The following ARL6IP1 variants were observed in gnomAD, a reference collection of about 807,000 sequenced individuals.
ARL6IP1 encodes the protein ADP-ribosylation factor-like protein 6-interacting protein 1.
Under a neutral mutation model 30.1 loss-of-function variants are expected in ARL6IP1, and 16 were observed. The ratio of observed to expected loss-of-function variants is 0.53; its 90% confidence interval spans 0.36 to 0.81. The LOEUF is 0.81. ARL6IP1 is among the 30% of genes least tolerant of loss of function. The probability of loss-of-function intolerance (pLI) is 0.01; values close to 1 mark genes in which losing one functional copy is unlikely to be tolerated. For synonymous variants in ARL6IP1, 72 were observed against 84.8 expected, an observed-to-expected ratio of 0.85 and a Z score of 0.83; for missense variants, 173 against 242.7, an observed-to-expected ratio of 0.71 and a Z score of 1.91.
At chr16:18,800,798 A>C (rs1448324643) in intron 1 of ARL6IP1, among the ~76,000 whole-genome samples, 3 of 152,156 alleles carry the variant, frequency 2.0e-5, no homozygotes, top group Admixed American at 1.3e-4. Context: ...GTTCCTTCGG[A>C]TCCCTGCTTA....
At chr16:18,795,032 T>TTC in intron 4 of ARL6IP1, 1 of 202,188 alleles carries the variant, frequency 4.9e-6, no homozygotes. Context: ...TTTTTTTTTT[T>TTC]TTGAGACAGA....
downstream of ARL6IP1, chr16:18,791,667 T>A (rs562451925): frequency 1.2e-4 from 18 of 152,302 alleles, no homozygotes; most frequent in East Asian, 3.5e-3. Context: ...AAGTGAGACA[T>A]GAAGATTCCA....
At chr16:18,797,726 TA>T in intron 3 of ARL6IP1, 198 bp downstream of exon 3, 1 of 542,058 alleles carries the variant, frequency 1.8e-6, no homozygotes, top group Non-Finnish European at 3.1e-6. Flanking sequence ...GCATTTACCA[TA>T]AAAGAACTAT....
chr16:18,797,750 A>G lies in ARL6IP1; in HGVS notation c.290+175T>C, dbSNP rs978336829. On this transcript the variant is annotated intron_variant, in intron 3 of 5. Coordinates refer to ENST00000304414, the MANE Select transcript of ARL6IP1 (RefSeq NM_015161.3). ...ATAAAAGAACTATGGAGTACAGAAA[A>G]TTCATAGTTTATATTCAAATCAGTT... The G allele has an allele frequency of 1.6e-5, 12 of 757,538 alleles. No homozygotes were observed. In the African/African-American group the frequency reaches 1.6e-4, roughly 10 times the overall value. 46.9% of individuals were successfully genotyped at this position (757,538 alleles called of 1,614,324 possible).
At chr16:18,794,838 A>G (rs1251117776) in intron 4 of ARL6IP1, among the ~76,000 whole-genome samples, 155 bp from the exon 5 acceptor site, 1 of 152,214 alleles carries the variant, frequency 6.6e-6, no homozygotes, top group African/African-American at 2.4e-5. Context: ...TAGATTTAAA[A>G]ACCTATTCCA....
chr16:18,794,894 C>T (rs1363500187), intron 4 of ARL6IP1, among the ~76,000 whole-genome samples: 1 of 152,126 alleles, frequency 6.6e-6, no homozygotes, highest in Non-Finnish European at 1.5e-5. Context: ...CCTAGAATTA[C>T]TGCAATTCTG....
chr16:18,797,819 T>C, intron 3 of ARL6IP1, 106 bp downstream of exon 3: 1 of 1,358,710 alleles, frequency 7.4e-7, no homozygotes, highest in Non-Finnish European at 1.0e-6. Context: ...TGCTTAGGTG[T>C]CTGATGGTTA....
chr16:18,801,231 C>A, intron 1 of ARL6IP1, 200 bp downstream of exon 1: 1 of 1,420,424 alleles, frequency 7.0e-7, no homozygotes, highest in African/African-American at 1.4e-5. Context: ...CTCCTCGCCC[C>A]GTCGCGCACC....
At position 18,791,730 on chromosome 16, in the gene ARL6IP1, A is replaced by G. The variant is rs545813340; in HGVS notation, c.*1522T>C. 4.6e-5 allele frequency: 7 copies of G among 152,462 alleles called. No homozygotes were observed. In the South Asian group the frequency reaches 1.2e-3, roughly 27 times the overall value. 9.4% of individuals were successfully genotyped at this position (152,462 alleles called of 1,614,324 possible). A position where few individuals can be genotyped will look rare whatever the true frequency, so the allele number is the denominator to read the frequency against. ...CAAAACAAAGTAGAAGAAATAATAC[A>G]GGATTAAAACTGCAAAAGTAGTTAA... is the stretch of plus-strand genomic sequence containing the variant. On this transcript the variant is annotated 3_prime_UTR_variant, in exon 6 of 6. Coordinates refer to ENST00000304414, the MANE Select transcript of ARL6IP1 (RefSeq NM_015161.3).
intron 4 of ARL6IP1, 93 bp downstream of exon 4, chr16:18,795,371 G>A: frequency 1.3e-6 from 1 of 781,140 alleles, no homozygotes; most frequent in South Asian, 1.7e-5. Flanking sequence ...ATTAACCAAT[G>A]AATAATTTTC....
intron 5 of ARL6IP1, 36 bp from the exon 6 acceptor site, chr16:18,793,406 G>A (rs749340842): frequency 1.6e-5 from 19 of 1,157,678 alleles, no homozygotes; most frequent in African/African-American, 6.4e-5. Context: ...TAAGGAGGCA[G>A]CAATTAACCT....
At position 18,797,947 on chromosome 16, in the gene ARL6IP1, T is replaced by G; in HGVS notation, c.268A>C (p.Arg90=). ...ADYLVPILAP[R]IFGSNKWTTE... ...TACCATTTATTGGAGCCAAAAATTC[T>G]AGGCGCTAGAATGGGAACAAGGTAG... The change falls in exon 3 of 6, where the codon AGA becomes CGA. Residue 90 remains arginine (R), a synonymous_variant. Coordinates refer to ENST00000304414, the MANE Select transcript of ARL6IP1 (RefSeq NM_015161.3). The G allele has an allele frequency of 1.2e-6, 2 of 1,611,930 alleles. No individual in the cohort carries two copies. The highest frequency in any genetic ancestry group is 1.7e-4 in the Middle Eastern group (1 of 6,034).
Position 18,791,864 on chromosome 16 carries a change from T to G in ARL6IP1, c.*1388A>C, listed in dbSNP as rs1364794160. ...TTTCTTATGAAATAATAAAAAAAAATCAAACATATGCTACAATGGGCACCA... is the reference window on the plus strand; with the variant it reads ...TTTCTTATGAAATAATAAAAAAAAAGCAAACATATGCTACAATGGGCACCA... On this transcript the variant is annotated 3_prime_UTR_variant, in exon 6 of 6. Coordinates refer to ENST00000304414, the MANE Select transcript of ARL6IP1 (RefSeq NM_015161.3). The G allele has an allele frequency of 6.6e-6, 1 of 152,342 alleles. No homozygotes were observed. Among genetic ancestry groups the G allele is most frequent in the Non-Finnish European group, 1.5e-5 (1 of 67,982 alleles). The allele number at this position is 152,342 out of a possible 1,614,324, so 9.4% of individuals were successfully genotyped here.
At chr16:18,793,829 C>G (rs2030146855) in intron 5 of ARL6IP1, among the ~76,000 whole-genome samples, 1 of 152,226 alleles carries the variant, frequency 6.6e-6, no homozygotes, top group African/African-American at 2.4e-5. Context: ...CCTGCCTCAC[C>G]CTACCAAGTA....
chr16:18,795,585 GA>G lies in ARL6IP1; in HGVS notation c.291-5del. 1.2e-6 allele frequency: 2 copies of G among 1,609,388 alleles called. No individual in the cohort carries two copies. Among genetic ancestry groups the G allele is most frequent in the Non-Finnish European group, 8.5e-7 (1 of 1,177,994 alleles). ...TCTTTGCTGTTGTTCAGTGGTCCTA[GA>G]AAAGAAATTTGCCTTTTGCTATAAA... is the stretch of plus-strand genomic sequence containing the variant. On this transcript the variant is annotated splice_region_variant and splice_polypyrimidine_tract_variant and intron_variant, in intron 3 of 5. Coordinates refer to ENST00000304414, the MANE Select transcript of ARL6IP1 (RefSeq NM_015161.3).
rs2030167477 is a variant in ARL6IP1 at position 18,794,458 on chromosome 16, T to C, written c.493+141A>G. The C allele has an allele frequency of 7.4e-6, 4 of 537,656 alleles. 1 individual carries two copies. The South Asian group carries it at 7.7e-5, about 10-fold the overall frequency. 33.3% of individuals were successfully genotyped at this position (537,656 alleles called of 1,614,324 possible). On this transcript the variant is annotated intron_variant, in intron 5 of 5. Transcript: ENST00000304414. ...GTTATTGCATTGTTTTCACTTTCTA[T>C]GAGACCATAATAATCTTTCCATATT...
chr16:18,800,702 G>A (rs1236139180), intron 1 of ARL6IP1, among the ~76,000 whole-genome samples: 1 of 152,144 alleles, frequency 6.6e-6, no homozygotes, highest in African/African-American at 2.4e-5. Flanking sequence ...AATATGCAAG[G>A]ATATTTCTCT....
Position 18,792,041 on chromosome 16 carries a change from G to A in ARL6IP1, c.*1211C>T, listed in dbSNP as rs1274767154. On this transcript the variant is annotated 3_prime_UTR_variant, in exon 6 of 6. Coordinates refer to ENST00000304414, the MANE Select transcript of ARL6IP1 (RefSeq NM_015161.3). ...TTGTTCCCGTCAGTCACATTTTTTGGCCCTCAGAAGTTCATTCCTAAAGAT... is the reference window on the plus strand; with the variant it reads ...TTGTTCCCGTCAGTCACATTTTTTGACCCTCAGAAGTTCATTCCTAAAGAT... 3.3e-5 allele frequency: 5 copies of A among 152,412 alleles called. No individual in the cohort carries two copies. In the East Asian group the frequency reaches 9.6e-4, roughly 29 times the overall value. 9.4% of individuals were successfully genotyped at this position (152,412 alleles called of 1,614,324 possible). A position where few individuals can be genotyped will look rare whatever the true frequency, so the allele number is the denominator to read the frequency against.
At chr16:18,800,109 C>A (rs1481030782) in intron 1 of ARL6IP1, among the ~76,000 whole-genome samples, 1 of 152,182 alleles carries the variant, frequency 6.6e-6, no homozygotes, top group Non-Finnish European at 1.5e-5. Context: ...GCTATCTGTG[C>A]CACGCTGAGC....
Sources: gnomAD v4.1 joint callset for allele counts (sites outside exome capture counted in the v4.1 genomes callset) on GRCh38, gnomAD v4.1.1 for gene constraint, MANE v1.5 for transcripts, NCBI Gene and HGNC (gene_info 2026-07-23, HGNC 2026-07-21) for gene names.